The following TAB2 variants were observed in gnomAD, a reference collection of about 807,000 sequenced individuals.
TAB2 encodes the protein TGF-beta-activated kinase 1 and MAP3K7-binding protein 2.
In TAB2, 3 loss-of-function variants were observed where a neutral mutation model predicts 65.0. That is an observed-to-expected ratio of 0.05 (90% confidence interval 0.02 to 0.12). TAB2 has a LOEUF of 0.12. Ranked by LOEUF, TAB2 falls within the 10% of genes least tolerant of loss-of-function variation. The pLI is 1.00. For synonymous variants in TAB2, 298 were observed against 285.1 expected, an observed-to-expected ratio of 1.05 and a Z score of -0.46; for missense variants, 623 against 840.3, an observed-to-expected ratio of 0.74 and a Z score of 3.20.
At chr6:149,326,808 C>T (rs540538) in intron 1 of TAB2, among the ~76,000 whole-genome samples, 55,288 of 151,952 alleles carry the variant, frequency 0.36, 10,337 homozygotes, top group East Asian at 0.6. Context: ...CTCAGCCTTG[C>T]TTTTTTAAGC....
At chr6:149,297,528 T>C (rs527912945) in intron 1 of TAB2, among the ~76,000 whole-genome samples, 2 of 152,216 alleles carry the variant, frequency 1.3e-5, no homozygotes, top group East Asian at 3.9e-4. Flanking sequence ...ATATGCACAC[T>C]TTTCTTTCTC....
intron 1 of TAB2, among the ~76,000 whole-genome samples, chr6:149,229,780 G>A (rs1359707135): frequency 6.6e-6 from 1 of 152,298 alleles, no homozygotes; most frequent in South Asian, 2.1e-4. Flanking sequence ...ACCACAGGGG[G>A]CCTAAAATGT....
intron 3 of TAB2, among the ~76,000 whole-genome samples, chr6:149,383,468 T>C (rs532654288): frequency 6.6e-6 from 1 of 152,366 alleles, no homozygotes; most frequent in South Asian, 2.1e-4. Flanking sequence ...CTACATAGTT[T>C]TGCATTATCT....
At chr6:149,308,878 G>T (rs527079) in intron 1 of TAB2, among the ~76,000 whole-genome samples, 85,703 of 151,928 alleles carry the variant, frequency 0.56, 26,029 homozygotes, top group African/African-American at 0.81. Flanking sequence ...TTCTCCCTTA[G>T]GATTTTTAAT....
At chr6:149,360,711 AT>A (rs1562433702) in intron 1 of TAB2, among the ~76,000 whole-genome samples, 1 of 152,198 alleles carries the variant, frequency 6.6e-6, no homozygotes, top group Non-Finnish European at 1.5e-5. Context: ...GTTTCAGCTC[AT>A]TTCAGCGTCA....
In TAB2 at chr6:149,330,454, ATTAG is replaced by A. The variant is rs751128284; in HGVS notation, c.-90+12441_-90+12444del. ...ACAGTTTCTCTGCATCCTCTCCAGCATTAGTATTGTCAGTATTTCTTATTTCACC... is the reference window on the plus strand; with the variant it reads ...ACAGTTTCTCTGCATCCTCTCCAGCATATTGTCAGTATTTCTTATTTCACC... On this transcript the variant is annotated intron_variant, in intron 1 of 6. Transcript: ENST00000637181. Among the ~76,000 whole-genome samples, 12 of 152,306 alleles carry A rather than the reference ATTAG, an allele frequency of 7.9e-5. No homozygotes were observed. In the South Asian group the frequency reaches 2.3e-3, roughly 29 times the overall value.
At chr6:149,358,972 A>C (rs887281724) in intron 1 of TAB2, among the ~76,000 whole-genome samples, 3 of 151,584 alleles carry the variant, frequency 2.0e-5, no homozygotes, top group Non-Finnish European at 4.4e-5. Context: ...TAGAAGTCTT[A>C]ATTGATTCTT....
chr6:149,254,018 GAAAGAAA>G (rs1562389452), intron 1 of TAB2, among the ~76,000 whole-genome samples: 2 of 137,268 alleles, frequency 1.5e-5, no homozygotes, highest in African/African-American at 5.4e-5. Context: ...AAGAAAGAAA[GAAAGAAA>G]AGAAAGAAAG....
At chr6:149,383,606 A>G (rs770549109) in intron 3 of TAB2, among the ~76,000 whole-genome samples, 5 of 152,060 alleles carry the variant, frequency 3.3e-5, no homozygotes, top group South Asian at 2.1e-4. Flanking sequence ...TTTTTCTGAG[A>G]TAGAGTCTCA....
chr6:149,266,746 T>C (rs1778272071), intron 1 of TAB2, among the ~76,000 whole-genome samples: 1 of 152,172 alleles, frequency 6.6e-6, no homozygotes. Flanking sequence ...GAAAGCCCTG[T>C]CTGGGAGGCC....
chr6:149,328,368 G>A (rs1004113191), intron 1 of TAB2, among the ~76,000 whole-genome samples: 1 of 152,052 alleles, frequency 6.6e-6, no homozygotes, highest in Non-Finnish European at 1.5e-5. Context: ...TCTCAGCTCA[G>A]TGCAACCTCC....
intron 1 of TAB2, among the ~76,000 whole-genome samples, chr6:149,321,667 T>A (rs1779460162): frequency 6.6e-6 from 1 of 152,222 alleles, no homozygotes; most frequent in South Asian, 2.1e-4. Context: ...TTTTATTGAC[T>A]CATTTTACAG....
chr6:149,400,744 A>C, intron 6 of TAB2: 1 of 1,542,892 alleles, frequency 6.5e-7, no homozygotes, highest in Non-Finnish European at 8.8e-7. Flanking sequence ...TGCATTCTCA[A>C]TTAGAAAACT....
rs117127651 is a variant in TAB2, at chr6:149,298,224, C to T, written c.-121+79448C>T. 1.2e-3 allele frequency among the ~76,000 whole-genome samples: 178 copies of T among 152,212 alleles called. 3 individuals carry two copies. In the East Asian group the frequency reaches 0.032, roughly 27 times the overall value. On this transcript the variant is annotated intron_variant, in intron 1 of 1. Transcript: ENST00000606202. Reference sequence around the variant, plus strand: ...GTCTAGGTATATGAAAATATGCATGCTATTCCTCAGAATGGCATCTTTGGG... The same window carrying T: ...GTCTAGGTATATGAAAATATGCATGTTATTCCTCAGAATGGCATCTTTGGG...
At chr6:149,229,115 A>G (rs1191775796) in intron 1 of TAB2, among the ~76,000 whole-genome samples, 1 of 152,236 alleles carries the variant, frequency 6.6e-6, no homozygotes, top group African/African-American at 2.4e-5. Flanking sequence ...ATAAAGCTCA[A>G]ACAAGCATTT....
chr6:149,266,495 G>A (rs2114672033), intron 1 of TAB2, among the ~76,000 whole-genome samples: 1 of 152,306 alleles, frequency 6.6e-6, no homozygotes, highest in South Asian at 2.1e-4. Context: ...TTGGGTCCCT[G>A]TGTAGGCTTA....
At chr6:149,274,936 A>G (rs1424894060) in intron 1 of TAB2, among the ~76,000 whole-genome samples, 2 of 151,980 alleles carry the variant, frequency 1.3e-5, no homozygotes, top group Non-Finnish European at 2.9e-5. Context: ...GCTCCACAAG[A>G]CCCCTGGACC....
rs1554254266 is a variant in TAB2 at position 149,254,006 on chromosome 6, G to GAAAGAAAGAA, written c.-121+35232_-121+35241dup. On this transcript the variant is annotated intron_variant, in intron 1 of 1. Coordinates refer to the TAB2 transcript ENST00000606202. ...AGAAAGAAAGAAAGAAAGAAAGAAA[G>GAAAGAAAGAA]AAAGAAAGAAAGAAAGAAAAGAAAG... Among the ~76,000 whole-genome samples, 108 of 139,124 alleles carry GAAAGAAAGAA rather than the reference G, an allele frequency of 7.8e-4. 1 individual carries two copies. The highest frequency in any genetic ancestry group is 2.8e-3 in the African/African-American group (104 of 37,452). 91.3% of individuals were successfully genotyped at this position (139,124 alleles called of 152,430 possible).
intron 1 of TAB2, among the ~76,000 whole-genome samples, chr6:149,360,496 G>A (rs1780806907): frequency 1.3e-5 from 2 of 152,098 alleles, no homozygotes; most frequent in Admixed American, 6.6e-5. Flanking sequence ...CCAAGGCAGG[G>A]GGCACTAAAC....
Sources: allele counts gnomAD v4.1 joint callset (sites outside exome capture counted in the v4.1 genomes callset), GRCh38; gene constraint gnomAD v4.1.1; transcripts MANE v1.5; gene names NCBI Gene and HGNC (gene_info 2026-07-23, HGNC 2026-07-21).